CCNL1: variants seen among roughly 807,000 people sequenced by gnomAD.
The protein encoded by CCNL1 is cyclin-L1.
In CCNL1, 13 loss-of-function variants were observed where a neutral mutation model predicts 60.6. The observed-to-expected ratio is 0.21, with a 90% CI of 0.14 to 0.34. CCNL1 has a LOEUF of 0.34. CCNL1 is among the 10% of genes least tolerant of loss of function. The probability of loss-of-function intolerance (pLI) is 1.00; values close to 1 mark genes in which losing one functional copy is unlikely to be tolerated. For synonymous variants in CCNL1, 270 were observed against 244.3 expected (o/e 1.10, Z -0.98); for missense variants, 481 against 664.3 (o/e 0.72, Z 3.03).
chr3:157,159,725 G>A, intron 1 of CCNL1, 67 bp downstream of exon 1: 2 of 1,352,568 alleles, frequency 1.5e-6, no homozygotes, highest in South Asian at 1.4e-5. Context: ...CGGTGATACT[G>A]AGATGCGGCG....
chr3:157,147,984 T>C lies in CCNL1; in HGVS notation c.*257A>G. The stretch of plus-strand genomic sequence containing the variant: ...ATTCACGCTCCAGTTCTTATAGCAA[T>C]AAACAATACACAACTATAATAAAGT... On this transcript the variant is annotated 3_prime_UTR_variant, in exon 11 of 11. Coordinates refer to ENST00000295926, the MANE Select transcript of CCNL1 (RefSeq NM_020307.4). 1 of 1,211,306 alleles carries C rather than the reference T, an allele frequency of 8.3e-7. No homozygotes were observed. Among genetic ancestry groups the C allele is most frequent in the Non-Finnish European group, 1.0e-6 (1 of 973,876 alleles). The allele number at this position is 1,211,306 out of a possible 1,614,324, so 75.0% of individuals were successfully genotyped here.
intron 2 of CCNL1, 83 bp downstream of exon 2, chr3:157,159,322 G>A (rs1738874199): frequency 7.6e-7 from 1 of 1,308,262 alleles, no homozygotes; most frequent in Non-Finnish European, 1.1e-6. Context: ...CTCCCTTTCT[G>A]GAAAAGCTGG....
chr3:157,158,892 G>T lies in CCNL1; in HGVS notation c.462C>A (p.His154Gln). Residue 154 changes from histidine to glutamine, a missense_variant, in exon 3 of 11, where the codon CAC becomes CAA. Physicochemically the swap from His to Gln is conservative, Grantham distance 24 (BLOSUM62 0). Transcript: ENST00000295926. ...RRIRDVINVFHHLRQLRGKRT... is the reference protein window; with the variant it reads ...RRIRDVINVFQHLRQLRGKRT... ...TTTTTCCTCTTAACTGGCGGAGGTGGTGGAATACATTAATCACATCTCTTA... is the reference window on the plus strand; with the variant it reads ...TTTTTCCTCTTAACTGGCGGAGGTGTTGGAATACATTAATCACATCTCTTA... The T allele has an allele frequency of 6.2e-7, 1 of 1,612,266 alleles. No homozygotes were observed.
intron 3 of CCNL1, chr3:157,153,578 C>T (rs1299843117): frequency 6.4e-6 from 1 of 155,442 alleles, no homozygotes; most frequent in Non-Finnish European, 1.4e-5. Context: ...GTTATCAGAA[C>T]TTACTAATAT....
Position 157,159,495 on chromosome 3 carries a change from G to A in CCNL1, c.304-16C>T, listed in dbSNP as rs368400147. The A allele has an allele frequency of 8.7e-6, 14 of 1,611,114 alleles. No homozygotes were observed. In the East Asian group the frequency reaches 1.3e-4, roughly 15 times the overall value. On this transcript the variant is annotated splice_polypyrimidine_tract_variant and intron_variant, in intron 1 of 10. Transcript: ENST00000295926. ...CCATCGCCACCTGCAGACAAGAGAG[G>A]AGAACGGAAGCGCAGGGGTCAGGCG...
chr3:157,148,197 A>G lies in CCNL1; in HGVS notation c.*44T>C. The stretch of plus-strand genomic sequence containing the variant: ...ATTGAGTCCATACATCACACTGTAG[A>G]TAGGCAAAACCAAGAACTGATGCAG... On this transcript the variant is annotated 3_prime_UTR_variant, in exon 11 of 11. Transcript: ENST00000295926. 1 of 1,580,724 alleles carries G rather than the reference A, an allele frequency of 6.3e-7. No individual in the cohort carries two copies. The highest frequency in any genetic ancestry group is 8.6e-7 in the Non-Finnish European group (1 of 1,164,638).
In CCNL1 at chr3:157,149,322, T is replaced by C; in HGVS notation, c.1197A>G (p.Thr399=). The C allele has an allele frequency of 5.6e-6, 9 of 1,613,900 alleles. No individual in the cohort carries two copies. The highest frequency in any genetic ancestry group is 7.6e-6 in the Non-Finnish European group (9 of 1,179,758). ...SRSASRSRSR[T]RSRSRSHTPR... is the part of the protein sequence containing the mutation. ...GAGTATGTGATCTAGAACGTGATCG[T>C]GTTCTTGACCTCGATCGACTTGCAC... The change falls in exon 10 of 11, where the codon ACA becomes ACG. Residue 399 remains threonine (T), a synonymous_variant. Transcript: ENST00000295926.
At position 157,160,074 on chromosome 3, in the gene CCNL1, C is replaced by G; in HGVS notation, c.21G>C (p.Ser7=). The G allele has an allele frequency of 1.3e-6, 2 of 1,554,516 alleles. No homozygotes were observed. The highest frequency in any genetic ancestry group is 1.7e-6 in the Non-Finnish European group (2 of 1,149,842). MASGPH[S]TATAAAAASS... ...AGGCGGCTGCGGCAGCAGTAGCTGT[C>G]GAATGAGGCCCGGACGCCATAGTCT... The change falls in exon 1 of 11, where the codon TCG becomes TCC. Residue 7 remains serine, a synonymous_variant. Transcript: ENST00000295926.
chr3:157,156,406 A>C (rs1236281048), intron 3 of CCNL1, among the ~76,000 whole-genome samples: 1 of 152,212 alleles, frequency 6.6e-6, no homozygotes, highest in East Asian at 1.9e-4. Context: ...TGTATTTACT[A>C]ATGAGAATGG....
chr3:157,154,609 G>A (rs1439819418), intron 3 of CCNL1: 2 of 152,086 alleles, frequency 1.3e-5, no homozygotes, highest in East Asian at 3.8e-4. Flanking sequence ...TACCCCTATG[G>A]TAACATCAGA....
At chr3:157,156,864 A>G (rs1738667718) in intron 3 of CCNL1, 1 of 1,201,534 alleles carries the variant, frequency 8.3e-7, no homozygotes, top group Admixed American at 2.6e-5. Flanking sequence ...TAGTTCTAAT[A>G]ACTTGGACAG....
downstream of CCNL1, chr3:157,146,663 GGCCTTTGCTGACATTT>G (rs1737794555): frequency 2.7e-6 from 1 of 371,764 alleles, no homozygotes; most frequent in Non-Finnish European, 5.2e-6. Context: ...TTGCTAACAG[GGCCTTTGCTGACATTT>G]GCCTTTGCCT....
In CCNL1 at chr3:157,148,010, A is replaced by G; in HGVS notation, c.*231T>C. ...AAACAATACACAACTATAATAAAGT[A>G]CAATTGAACCTGACCATGGTTTTTA... On this transcript the variant is annotated 3_prime_UTR_variant, in exon 11 of 11. Coordinates refer to ENST00000295926, the MANE Select transcript of CCNL1 (RefSeq NM_020307.4). 4.6e-6 allele frequency: 6 copies of G among 1,293,440 alleles called. No individual in the cohort carries two copies. Among genetic ancestry groups the G allele is most frequent in the African/African-American group, 1.5e-5 (1 of 66,756 alleles). 80.1% of individuals were successfully genotyped at this position (1,293,440 alleles called of 1,614,324 possible). A position where few individuals can be genotyped will look rare whatever the true frequency, so the allele number is the denominator to read the frequency against.
rs1044906268 is a variant in CCNL1, at chr3:157,160,058, C to T, written c.37G>A (p.Ala13Thr). ...CTTGGGGCGGCCGATGAGGCGGCTG[C>T]GGCAGCAGTAGCTGTCGAATGAGGC... ...SGPHSTATAA[A>T]AASSAAPSAG... Residue 13 changes from alanine (A) to threonine (T), a missense_variant, in exon 1 of 11, where the codon GCA (alanine) becomes ACA (threonine). Ala to Thr is a moderately conservative substitution (Grantham distance 58). Transcript: ENST00000295926. 3.8e-6 allele frequency: 6 copies of T among 1,559,388 alleles called. No individual in the cohort carries two copies. In the Admixed American group the frequency reaches 5.8e-5, roughly 15 times the overall value.
chr3:157,149,142 A>G (rs1434112439), intron 10 of CCNL1, 145 bp downstream of exon 10: 1 of 636,162 alleles, frequency 1.6e-6, no homozygotes, highest in African/African-American at 1.8e-5. Context: ...GAACATCTCC[A>G]AACTCATTTC....
chr3:157,158,036 C>G (rs1472664241), intron 3 of CCNL1, among the ~76,000 whole-genome samples: 1 of 152,194 alleles, frequency 6.6e-6, no homozygotes, highest in Non-Finnish European at 1.5e-5. Context: ...CTATTCTACA[C>G]CAAATATATC....
downstream of CCNL1, among the ~76,000 whole-genome samples, chr3:157,145,888 T>C (rs1009894680): frequency 2.0e-5 from 3 of 152,208 alleles, no homozygotes; most frequent in Non-Finnish European, 2.9e-5. Context: ...GTAAGAAATA[T>C]GGAGAGGCCT....
At chr3:157,159,505 G>C (rs1174418138) in intron 1 of CCNL1, 26 bp from the exon 2 acceptor site, 10 of 1,602,988 alleles carry the variant, frequency 6.2e-6, no homozygotes, top group Non-Finnish European at 8.5e-6. Flanking sequence ...GAGAACGGAA[G>C]CGCAGGGGTC....
downstream of CCNL1, chr3:157,146,542 A>C: frequency 2.2e-6 from 1 of 447,706 alleles, no homozygotes; most frequent in South Asian, 1.6e-5. Context: ...TGGGAGGCTG[A>C]GGTGGGAGGA....
Sources: allele counts gnomAD v4.1 joint callset (sites outside exome capture counted in the v4.1 genomes callset), GRCh38; gene constraint gnomAD v4.1.1; transcripts MANE v1.5; gene names NCBI Gene and HGNC (gene_info 2026-07-23, HGNC 2026-07-21).